Variants in NEBL observed in about 807,000 individuals in gnomAD.
The protein encoded by NEBL is nebulette.
NEBL carries 122 observed loss-of-function variants against 140.2 expected under a neutral mutation model. That is an observed-to-expected ratio of 0.87 (90% CI 0.75 to 1.01). The LOEUF (loss-of-function observed/expected upper bound fraction) is 1.01. Ranked by LOEUF, NEBL falls within the 50% of genes least tolerant of loss-of-function variation. The pLI is 0.00. For missense variants in NEBL, 1,365 were observed against 1,231.3 expected (o/e 1.11, Z -1.62); for synonymous variants, 436 against 398.9 (o/e 1.09, Z -1.11).
chr10:21,162,524 A>G (rs768965112), intron 2 of NEBL, among the ~76,000 whole-genome samples: 20 of 152,122 alleles, frequency 1.3e-4, no homozygotes, highest in Non-Finnish European at 2.6e-4. Context: ...GTATTGTAAC[A>G]CCCATTCTCA....
intron 2 of NEBL, among the ~76,000 whole-genome samples, chr10:21,088,138 C>G (rs769145356): frequency 2.6e-5 from 4 of 152,166 alleles, no homozygotes; most frequent in Non-Finnish European, 5.9e-5. Flanking sequence ...CCCTGGGGCC[C>G]AGTTGTTTCT....
chr10:21,152,895 C>T (rs1840198226), intron 2 of NEBL, among the ~76,000 whole-genome samples: 1 of 152,102 alleles, frequency 6.6e-6, no homozygotes, highest in Non-Finnish European at 1.5e-5. Context: ...TTTGTAGCAA[C>T]ATGAATAATA....
At chr10:21,182,850 G>A (rs1373145495) in intron 3 of NEBL, among the ~76,000 whole-genome samples, 1 of 152,196 alleles carries the variant, frequency 6.6e-6, no homozygotes, top group Non-Finnish European at 1.5e-5. Flanking sequence ...TATTTTAAAA[G>A]TTAATGAGAT....
chr10:20,797,463 A>G (rs2131674646), intron 26 of NEBL, among the ~76,000 whole-genome samples: 1 of 152,328 alleles, frequency 6.6e-6, no homozygotes, highest in African/African-American at 2.4e-5. Flanking sequence ...ATAAATAGAC[A>G]TATCTTGGTG....
At chr10:21,236,498 C>T (rs1020140302) in intron 3 of NEBL, among the ~76,000 whole-genome samples, 25 of 151,894 alleles carry the variant, frequency 1.6e-4, no homozygotes, top group Non-Finnish European at 3.1e-4. Context: ...CAGGTGCACA[C>T]GACCACGCCT....
intron 2 of NEBL, among the ~76,000 whole-genome samples, chr10:21,147,812 C>T (rs1319551164): frequency 6.6e-6 from 1 of 152,214 alleles, no homozygotes; most frequent in Non-Finnish European, 1.5e-5. Context: ...AGCATTCGGA[C>T]TTGAGGCTGC....
intron 13 of NEBL, 48 bp from the exon 14 acceptor site, chr10:20,835,671 A>G (rs771364118): frequency 1.6e-6 from 2 of 1,263,760 alleles, no homozygotes; most frequent in Admixed American, 1.7e-5. Context: ...GTGGGCAAAC[A>G]TGCATCTGCA....
At chr10:21,249,822 G>A (rs960452982) in intron 2 of NEBL, among the ~76,000 whole-genome samples, 7 of 152,046 alleles carry the variant, frequency 4.6e-5, no homozygotes, top group African/African-American at 7.2e-5. Context: ...CCAGCACTTC[G>A]GGAGGCTGAG....
chr10:20,836,286 G>A (rs1432943950), intron 13 of NEBL, among the ~76,000 whole-genome samples: 3 of 151,982 alleles, frequency 2.0e-5, no homozygotes, highest in Non-Finnish European at 4.4e-5. Flanking sequence ...GCAGTGGCGT[G>A]ATCTCGGCTC....
chr10:20,798,915 G>A (rs544277205), intron 26 of NEBL, among the ~76,000 whole-genome samples: 40 of 152,200 alleles, frequency 2.6e-4, no homozygotes, highest in Non-Finnish European at 4.9e-4. Flanking sequence ...AAAAGAAAAC[G>A]TATGACATTT....
chr10:20,999,946 G>A (rs1837822626), intron 3 of NEBL, among the ~76,000 whole-genome samples: 1 of 151,922 alleles, frequency 6.6e-6, no homozygotes, highest in African/African-American at 2.4e-5. Context: ...TAATGACTAA[G>A]GAATATAATC....
At chr10:20,953,272 G>T (rs1257510797) in intron 4 of NEBL, among the ~76,000 whole-genome samples, 1 of 152,136 alleles carries the variant, frequency 6.6e-6, no homozygotes, top group African/African-American at 2.4e-5. Flanking sequence ...GAGACACAGA[G>T]ATCTCTCTTG....
At chr10:20,845,709 A>G (rs1453007303) in intron 11 of NEBL, among the ~76,000 whole-genome samples, 1 of 152,102 alleles carries the variant, frequency 6.6e-6, no homozygotes, top group Non-Finnish European at 1.5e-5. Flanking sequence ...CTCCAAGGTG[A>G]GTGGATCCAC....
chr10:21,119,432 A>C (rs1398104464), intron 2 of NEBL, among the ~76,000 whole-genome samples: 3 of 117,944 alleles, frequency 2.5e-5, no homozygotes, highest in Non-Finnish European at 4.6e-5. Context: ...TATACTTAAT[A>C]TAACATATAT....
intron 3 of NEBL, among the ~76,000 whole-genome samples, chr10:20,981,695 C>A (rs1837050194): frequency 1.3e-5 from 2 of 152,150 alleles, no homozygotes; most frequent in Non-Finnish European, 2.9e-5. Flanking sequence ...CCCACTGACA[C>A]CGGTGATAGG....
intron 3 of NEBL, among the ~76,000 whole-genome samples, chr10:21,219,948 T>C (rs1842044257): frequency 6.6e-6 from 1 of 151,810 alleles, no homozygotes; most frequent in South Asian, 2.1e-4. Context: ...GAGTATTGCT[T>C]TGTTGCCCAG....
At chr10:21,179,495 C>T (rs764354921), upstream of NEBL, among the ~76,000 whole-genome samples, 8 of 151,802 alleles carry the variant, frequency 5.3e-5, no homozygotes, top group Non-Finnish European at 8.8e-5. Flanking sequence ...CAGCCCCTCA[C>T]GCTCCATCAT....
chr10:20,869,625 C>A, intron 6 of NEBL, 115 bp downstream of exon 6: 1 of 750,806 alleles, frequency 1.3e-6, no homozygotes, highest in Non-Finnish European at 2.4e-6. Flanking sequence ...GAGATGTATT[C>A]ATTTATATTG....
At chr10:21,083,601 AGAG>A (rs1836486452) in intron 2 of NEBL, among the ~76,000 whole-genome samples, 1 of 152,040 alleles carries the variant, frequency 6.6e-6, no homozygotes, top group African/African-American at 2.4e-5. Context: ...CAGTGTGCAA[AGAG>A]GAGGCCAAGG....
Sources: allele counts gnomAD v4.1 joint callset (sites outside exome capture counted in the v4.1 genomes callset), GRCh38; gene constraint gnomAD v4.1.1; transcripts MANE v1.5; gene names NCBI Gene and HGNC (gene_info 2026-07-23, HGNC 2026-07-21).